EYS: variants seen among roughly 807,000 people sequenced by gnomAD.
The protein encoded by EYS is EGF-like photoreceptor maintenance factor, also known as protein eyes shut homolog.
In EYS, 250 loss-of-function variants were observed where a neutral mutation model predicts 282.1. That is an observed-to-expected ratio of 0.89 (90% CI 0.80 to 0.98). EYS has a LOEUF of 0.98. EYS is among the 50% of genes least tolerant of loss of function. The pLI is 0.00. For missense variants in EYS, 4,016 were observed against 3,709.0 expected (o/e 1.08, Z -2.15); for synonymous variants, 1,355 against 1,282.9 (o/e 1.06, Z -1.20).
intron 19 of EYS, among the ~76,000 whole-genome samples, chr6:64,865,648 G>T (rs920570627): frequency 6.6e-6 from 1 of 152,042 alleles, no homozygotes; most frequent in African/African-American, 2.4e-5. Context: ...AGGGTTTATA[G>T]GGGTAAAGTT....
intron 12 of EYS, among the ~76,000 whole-genome samples, chr6:65,282,712 A>G (rs1161532190): frequency 2.0e-5 from 3 of 151,976 alleles, no homozygotes. Context: ...ATAGCTCACT[A>G]ATAATGGCTT....
intron 12 of EYS, among the ~76,000 whole-genome samples, chr6:65,143,205 C>G (rs185464020): frequency 1.1e-3 from 160 of 151,844 alleles, no homozygotes; most frequent in African/African-American, 3.7e-3. Context: ...AACTTTATGA[C>G]TTATTAGGAC....
intron 14 of EYS, among the ~76,000 whole-genome samples, chr6:64,972,449 C>G (rs1770327330): frequency 6.6e-6 from 1 of 152,046 alleles, no homozygotes; most frequent in Non-Finnish European, 1.5e-5. Context: ...TCTTCCACCT[C>G]TGCGACTCCT....
At position 65,124,017 on chromosome 6, in the gene EYS, A is replaced by C. The variant is rs891974284; in HGVS notation, c.2024-66290T>G. 5.3e-5 allele frequency among the ~76,000 whole-genome samples: 8 copies of C among 149,550 alleles called. No individual in the cohort carries two copies. In the East Asian group the frequency reaches 1.6e-3, roughly 29 times the overall value. ...CATCATGGTGAAATCTCTACGAAAC[A>C]GACAAAAATTGGCAGGGCTGGTGGC... On this transcript the variant is annotated intron_variant, in intron 12 of 42. Coordinates refer to ENST00000503581, the MANE Select transcript of EYS (RefSeq NM_001142800.2).
At chr6:65,414,382 G>A (rs775550322) in intron 5 of EYS, among the ~76,000 whole-genome samples, 22 of 152,232 alleles carry the variant, frequency 1.4e-4, no homozygotes, top group South Asian at 8.3e-4. Context: ...GTAGCCTGTA[G>A]ATGTCCAAGA....
intron 2 of EYS, among the ~76,000 whole-genome samples, chr6:65,560,475 G>A (rs1582456925): frequency 6.7e-6 from 1 of 148,420 alleles, no homozygotes; most frequent in African/African-American, 2.5e-5. Context: ...ACTGTTCTTG[G>A]TGTCCATTAT....
chr6:65,546,821 T>C (rs1405146623), intron 2 of EYS, among the ~76,000 whole-genome samples: 10 of 152,098 alleles, frequency 6.6e-5, no homozygotes, highest in South Asian at 2.1e-4. Context: ...TCTACCCACA[T>C]TGACCTCCCA....
chr6:63,843,440 G>A (rs929225474), intron 36 of EYS, among the ~76,000 whole-genome samples: 15 of 152,012 alleles, frequency 9.9e-5, no homozygotes, highest in East Asian at 1.9e-4. Flanking sequence ...TGTAATTTTC[G>A]CACATTGATT....
chr6:64,055,084 TC>T, intron 33 of EYS, among the ~76,000 whole-genome samples: 1 of 152,286 alleles, frequency 6.6e-6, no homozygotes, highest in Non-Finnish European at 1.5e-5. Context: ...GAGCTTGGCC[TC>T]TTACAGCTCC....
At chr6:64,397,747 G>T (rs967452777) in intron 28 of EYS, among the ~76,000 whole-genome samples, 1 of 151,722 alleles carries the variant, frequency 6.6e-6, no homozygotes, top group Non-Finnish European at 1.5e-5. Flanking sequence ...TCCATTCTCT[G>T]TTTTCTACTT....
At chr6:64,154,662 A>C (rs1774856710) in intron 31 of EYS, among the ~76,000 whole-genome samples, 1 of 152,130 alleles carries the variant, frequency 6.6e-6, no homozygotes, top group African/African-American at 2.4e-5. Flanking sequence ...TAGAAAATGC[A>C]AAAAAGAATA....
At chr6:65,040,115 C>T (rs1204865662) in intron 13 of EYS, among the ~76,000 whole-genome samples, 4 of 151,616 alleles carry the variant, frequency 2.6e-5, no homozygotes, top group Admixed American at 6.6e-5. Flanking sequence ...TATGAGACTT[C>T]GTTACTCATT....
intron 12 of EYS, among the ~76,000 whole-genome samples, chr6:65,144,184 GC>G (rs2150210776): frequency 6.6e-6 from 1 of 152,144 alleles, no homozygotes; most frequent in Non-Finnish European, 1.5e-5. Flanking sequence ...ACATATTTCA[GC>G]TTTTTTATAA....
At chr6:65,009,100 T>C (rs1771783122) in intron 13 of EYS, among the ~76,000 whole-genome samples, 2 of 152,060 alleles carry the variant, frequency 1.3e-5, no homozygotes, top group African/African-American at 4.8e-5. Context: ...GTCCCCTGCT[T>C]GAGGAAGGAA....
chr6:63,959,182 C>G (rs1181776883), intron 35 of EYS, among the ~76,000 whole-genome samples: 1 of 151,998 alleles, frequency 6.6e-6, no homozygotes, highest in Non-Finnish European at 1.5e-5. Context: ...AATAAAACAA[C>G]CCCATCAAAA....
rs368167779 is a variant in EYS, at chr6:64,190,273, T to C, written c.6424+40319A>G. ...GAACTGAACATGCTACTTTGCCTTATGCACTTTAAGTAAGTACATTTTTGG... is the reference window on the plus strand; with the variant it reads ...GAACTGAACATGCTACTTTGCCTTACGCACTTTAAGTAAGTACATTTTTGG... On this transcript the variant is annotated intron_variant, in intron 31 of 42. Transcript: ENST00000503581. Among the ~76,000 whole-genome samples the C allele has an allele frequency of 1.5e-4, 23 of 152,344 alleles. 1 individual carries two copies. The highest frequency in any genetic ancestry group is 3.6e-4 in the African/African-American group (15 of 41,584).
At chr6:64,678,161 GA>G (rs1562128723) in intron 22 of EYS, among the ~76,000 whole-genome samples, 1 of 151,190 alleles carries the variant, frequency 6.6e-6, no homozygotes, top group East Asian at 2.0e-4. Context: ...ACTAGCTTTT[GA>G]GTATCAAAAA....
intron 30 of EYS, among the ~76,000 whole-genome samples, chr6:64,276,577 A>T (rs1368044044): frequency 6.6e-6 from 1 of 152,222 alleles, no homozygotes; most frequent in Non-Finnish European, 1.5e-5. Flanking sequence ...TCAGAGACTG[A>T]ACAAGCCACA....
rs564574333 is a variant in EYS, at chr6:64,544,677, G to A, written c.5644+45546C>T. The stretch of plus-strand genomic sequence containing the variant: ...GAATCAAATAGACACAATAAAAAAT[G>A]ATAAAGGGGATATCACCACCAATCC... On this transcript the variant is annotated intron_variant, in intron 26 of 42. Transcript: ENST00000503581. Among the ~76,000 whole-genome samples the A allele has an allele frequency of 4.6e-5, 7 of 152,236 alleles. No individual in the cohort carries two copies. The East Asian group carries it at 1.2e-3, about 25-fold the overall frequency.
Sources: gnomAD v4.1 joint callset for allele counts (sites outside exome capture counted in the v4.1 genomes callset) on GRCh38, gnomAD v4.1.1 for gene constraint, MANE v1.5 for transcripts, NCBI Gene and HGNC (gene_info 2026-07-23, HGNC 2026-07-21) for gene names.